CCDC47: variants seen among roughly 807,000 people sequenced by gnomAD.
CCDC47 encodes coiled-coil domain containing 47, also known as PAT complex subunit CCDC47.
Under a neutral mutation model 60.5 loss-of-function variants are expected in CCDC47, and 41 were observed. The ratio of observed to expected loss-of-function variants is 0.68; its 90% confidence interval spans 0.53 to 0.88. The LOEUF (loss-of-function observed/expected upper bound fraction) is 0.88. Among genes scored for constraint, CCDC47 ranks in the 40% least tolerant of loss-of-function variants. The pLI, the probability that CCDC47 is intolerant of heterozygous loss-of-function variation, is 0.00. For missense variants in CCDC47, 513 were observed against 580.9 expected (o/e 0.88, Z 1.20); for synonymous variants, 195 against 190.7 (o/e 1.02, Z -0.18).
In CCDC47 at chr17:63,746,969, A is replaced by G; in HGVS notation, c.1372-8T>C. 1 of 1,612,988 alleles carries G rather than the reference A, an allele frequency of 6.2e-7. No individual in the cohort carries two copies. Among genetic ancestry groups the G allele is most frequent in the Non-Finnish European group, 8.5e-7 (1 of 1,179,316 alleles). On this transcript the variant is annotated splice_region_variant and splice_polypyrimidine_tract_variant and intron_variant, in intron 12 of 12. Transcript: ENST00000225726. Reference sequence around the variant, plus strand: ...ACGCCTCAATGCAGCCTCCTAGAGAAAGAAGGGGTAATAAATAGAGAAAGG... The same window carrying G: ...ACGCCTCAATGCAGCCTCCTAGAGAGAGAAGGGGTAATAAATAGAGAAAGG...
At position 63,752,104 on chromosome 17, in the gene CCDC47, T is replaced by C; in HGVS notation, c.1207A>G (p.Lys403Glu). The C allele has an allele frequency of 6.2e-7, 1 of 1,613,004 alleles. No individual in the cohort carries two copies. Among genetic ancestry groups the C allele is most frequent in the Non-Finnish European group, 8.5e-7 (1 of 1,179,592 alleles). Residue 403 changes from lysine (K) to glutamate (E), a missense_variant, in exon 12 of 13, where the codon AAA becomes GAA. By Grantham distance (56) the Lys-to-Glu change is moderately conservative (BLOSUM62 1). Coordinates refer to ENST00000225726, the MANE Select transcript of CCDC47 (RefSeq NM_020198.3). ...AKKFRLNREG[K>E]QKADKNRARV... ...GCACGGTTCTTATCTGCTTTTTGTTTGCCCTTCCCCAAGAAACAAAGTATT... is the reference window on the plus strand; with the variant it reads ...GCACGGTTCTTATCTGCTTTTTGTTCGCCCTTCCCCAAGAAACAAAGTATT...
At chr17:63,763,500 G>A (rs1285701229) in intron 4 of CCDC47, among the ~76,000 whole-genome samples, 1 of 152,018 alleles carries the variant, frequency 6.6e-6, no homozygotes, top group Admixed American at 6.6e-5. Flanking sequence ...ACACAAGCCT[G>A]GGTAACAGCG....
intron 11 of CCDC47, 48 bp downstream of exon 11, chr17:63,752,272 G>GA: frequency 1.3e-6 from 2 of 1,486,714 alleles, no homozygotes; most frequent in Non-Finnish European, 1.9e-6. Context: ...CCCTTGAGAA[G>GA]AAACAAAAAA....
intron 12 of CCDC47, 74 bp from the exon 13 acceptor site, chr17:63,747,035 G>T: frequency 6.4e-7 from 1 of 1,552,410 alleles, no homozygotes; most frequent in Non-Finnish European, 8.7e-7. Context: ...TGAAACATAT[G>T]TTAAAAAAAA....
intron 11 of CCDC47, 79 bp from the exon 12 acceptor site, chr17:63,752,186 T>C (rs2039172067): frequency 5.9e-6 from 9 of 1,528,354 alleles, no homozygotes; most frequent in Non-Finnish European, 8.1e-6. Context: ...CATTCTTTCA[T>C]AAAACTACTC....
intron 12 of CCDC47, among the ~76,000 whole-genome samples, chr17:63,750,120 C>G (rs966642773): frequency 6.6e-6 from 1 of 152,084 alleles, no homozygotes; most frequent in Admixed American, 6.6e-5. Context: ...TGATTTACAT[C>G]GACAAGAAGC....
At chr17:63,748,577 C>T (rs1472656601) in intron 12 of CCDC47, among the ~76,000 whole-genome samples, 1 of 152,128 alleles carries the variant, frequency 6.6e-6, no homozygotes, top group Non-Finnish European at 1.5e-5. Context: ...CACATTCACT[C>T]TTTTCCCAGC....
rs1251444801 is a variant in CCDC47 at position 63,745,728 on chromosome 17, T to C, written c.*1153A>G. The C allele has an allele frequency of 2.0e-5, 3 of 151,984 alleles. No individual in the cohort carries two copies. The highest frequency in any genetic ancestry group is 2.9e-5 in the Non-Finnish European group (2 of 67,994). The allele number at this position is 151,984 out of a possible 1,614,324, so 9.4% of individuals were successfully genotyped here. On this transcript the variant is annotated 3_prime_UTR_variant, in exon 13 of 13. Coordinates refer to ENST00000225726, the MANE Select transcript of CCDC47 (RefSeq NM_020198.3). ...AACCCTTACCCATCCCCGGCAAAAA[T>C]TACCTGGTACAAGCAATGACCTAAA...
At position 63,766,011 on chromosome 17, in the gene CCDC47, T is replaced by C; in HGVS notation, c.165A>G (p.Gln55=). 4.3e-6 allele frequency: 7 copies of C among 1,614,150 alleles called. No individual in the cohort carries two copies. Among genetic ancestry groups the C allele is most frequent in the African/African-American group, 1.3e-5 (1 of 75,060 alleles). The part of the protein sequence containing the change: ...VMEDSVTESP[Q]RVIITEDDED... Reference sequence around the variant, plus strand: ...CATCATCTTCAGTGATTATGACCCGTTGAGGAGATTCAGTAACAGAGTCTT... The same window carrying C: ...CATCATCTTCAGTGATTATGACCCGCTGAGGAGATTCAGTAACAGAGTCTT... The change falls in exon 2 of 13, where the codon CAA becomes CAG. Residue 55 remains glutamine, a synonymous_variant. Coordinates refer to ENST00000225726, the MANE Select transcript of CCDC47 (RefSeq NM_020198.3).
chr17:63,760,534 G>T (rs985288107), intron 6 of CCDC47, among the ~76,000 whole-genome samples: 3 of 152,174 alleles, frequency 2.0e-5, no homozygotes, highest in Non-Finnish European at 2.9e-5. Context: ...AATGGAAAAA[G>T]CTCTAGGAAA....
intron 3 of CCDC47, 60 bp downstream of exon 3, chr17:63,764,680 T>C: frequency 7.0e-7 from 1 of 1,432,442 alleles, no homozygotes; most frequent in Non-Finnish European, 9.7e-7. Flanking sequence ...ATTTTATTTC[T>C]GGGATTGATG....
chr17:63,757,196 A>G (rs2039213953), intron 6 of CCDC47, among the ~76,000 whole-genome samples: 1 of 110,046 alleles, frequency 9.1e-6, no homozygotes, highest in African/African-American at 3.3e-5. Context: ...CCCCATCTGT[A>G]CAAAAAAAAA....
rs1396289410 is a variant in CCDC47 at position 63,759,491 on chromosome 17, A to C, written c.735+1423T>G. On this transcript the variant is annotated intron_variant, in intron 6 of 12. Transcript: ENST00000225726. ...GTGATAGAGTGAGATTCTGTCTCCC[A>C]AAAAAAAAAAAAAAAAAATATATAT... 4.3e-4 allele frequency among the ~76,000 whole-genome samples: 7 copies of C among 16,412 alleles called. 1 individual carries two copies. Among genetic ancestry groups the C allele is most frequent in the African/African-American group, 2.8e-3 (3 of 1,068 alleles). 10.8% of individuals were successfully genotyped at this position (16,412 alleles called of 152,430 possible). A position where few individuals can be genotyped will look rare whatever the true frequency, so the allele number is the denominator to read the frequency against.
intron 8 of CCDC47, chr17:63,755,234 T>G: frequency 1.1e-4 from 102 of 933,518 alleles, no homozygotes; most frequent in Non-Finnish European, 1.2e-4. Flanking sequence ...CCCAAAGTGT[T>G]GAGATTACAA....
chr17:63,762,130 T>C (rs1568250330), intron 4 of CCDC47: 2 of 984,836 alleles, frequency 2.0e-6, no homozygotes, highest in East Asian at 1.1e-4. Context: ...GTATTAAGAG[T>C]TGTATTTTAA....
Position 63,754,439 on chromosome 17 carries a change from A to G in CCDC47, c.1028T>C (p.Met343Thr). 6 of 1,589,492 alleles carry G rather than the reference A, an allele frequency of 3.8e-6. No homozygotes were observed. The highest frequency in any genetic ancestry group is 5.2e-6 in the Non-Finnish European group (6 of 1,159,752). The change falls in exon 9 of 13, where the codon ATG (methionine) becomes ACG (threonine). Residue 343 changes from methionine to threonine, a missense_variant. Coordinates refer to ENST00000225726, the MANE Select transcript of CCDC47 (RefSeq NM_020198.3). ...AATTTTATCTTATACGTACTCTTGC[A>G]TAATTTTTGGACCAGAGAACTGGTC... ...FSDQFSGPKI[M>T]QEEGQPLKLP...
chr17:63,753,013 A>T (rs1454842183), intron 9 of CCDC47: 2 of 735,954 alleles, frequency 2.7e-6, no homozygotes, highest in Non-Finnish European at 3.3e-6. Context: ...TCTTTATCCT[A>T]TATTTGAACA....
chr17:63,765,799 T>G, intron 2 of CCDC47, 113 bp downstream of exon 2: 1 of 1,375,160 alleles, frequency 7.3e-7, no homozygotes, highest in Non-Finnish European at 9.8e-7. Context: ...ACCTAGTGAA[T>G]GAAAATGAAG....
chr17:63,769,083 C>CAA (rs531547773), intron 1 of CCDC47, among the ~76,000 whole-genome samples: 18 of 94,612 alleles, frequency 1.9e-4, no homozygotes, highest in African/African-American at 2.8e-4. Flanking sequence ...GACTCTGTCT[C>CAA]AAAAAAAAAA....
Sources: allele counts gnomAD v4.1 joint callset (sites outside exome capture counted in the v4.1 genomes callset), GRCh38; gene constraint gnomAD v4.1.1; transcripts MANE v1.5; gene names NCBI Gene and HGNC (gene_info 2026-07-23, HGNC 2026-07-21).